SUMF1: variants seen among roughly 807,000 people sequenced by gnomAD.
SUMF1 encodes sulfatase modifying factor 1, also known as formylglycine-generating enzyme.
A neutral mutation model predicts 47.6 loss-of-function variants in SUMF1; 48 were observed. The ratio of observed to expected loss-of-function variants is 1.01; its 90% confidence interval spans 0.80 to 1.28. The LOEUF (loss-of-function observed/expected upper bound fraction) is 1.28, where lower values mean the gene tolerates loss of function less well. Among genes scored for constraint, SUMF1 ranks in the 50% most tolerant of loss-of-function variants. SUMF1 has a pLI of 0.00. For missense variants in SUMF1, 571 were observed against 485.4 expected, an observed-to-expected ratio of 1.18 and a Z score of -1.66; for synonymous variants, 230 against 192.1, an observed-to-expected ratio of 1.20 and a Z score of -1.63.
intron 8 of SUMF1, among the ~76,000 whole-genome samples, chr3:4,254,583 G>C (rs1696899157): frequency 6.8e-6 from 1 of 147,106 alleles, no homozygotes; most frequent in African/African-American, 2.5e-5. Flanking sequence ...AAAAAGAAAT[G>C]AGCAAAGCCT....
intron 8 of SUMF1, among the ~76,000 whole-genome samples, chr3:4,260,169 A>G (rs1697054872): frequency 6.6e-6 from 1 of 152,196 alleles, no homozygotes; most frequent in South Asian, 2.1e-4. Flanking sequence ...GGCTGAAGTC[A>G]TAAAGGGAAT....
chr3:4,313,729 G>T, intron 8 of SUMF1: 2 of 1,614,038 alleles, frequency 1.2e-6, no homozygotes, highest in Non-Finnish European at 1.7e-6. Flanking sequence ...AGCCCCTTCT[G>T]TGTTCCCCTC....
At chr3:4,084,755 T>G (rs1334166174) in intron 8 of SUMF1, among the ~76,000 whole-genome samples, 1 of 152,144 alleles carries the variant, frequency 6.6e-6, no homozygotes, top group Admixed American at 6.6e-5. Context: ...TTTTAAAGAT[T>G]GGTAAATAAT....
At chr3:4,088,075 C>A (rs914883760) in intron 8 of SUMF1, among the ~76,000 whole-genome samples, 1 of 152,030 alleles carries the variant, frequency 6.6e-6, no homozygotes, top group East Asian at 1.9e-4. Context: ...TAGGCTGATA[C>A]GTCAGTGAGA....
At chr3:4,208,151 G>C (rs1334789332) in intron 8 of SUMF1, among the ~76,000 whole-genome samples, 1 of 152,024 alleles carries the variant, frequency 6.6e-6, no homozygotes, top group Admixed American at 6.6e-5. Flanking sequence ...GGTTTTACCA[G>C]AGCCTACTTC....
chr3:4,463,691 C>T (rs2079870005), intron 1 of SUMF1, among the ~76,000 whole-genome samples: 1 of 152,160 alleles, frequency 6.6e-6, no homozygotes, highest in Non-Finnish European at 1.5e-5. Flanking sequence ...AGTCAGAAAC[C>T]TCCTCAGACA....
intron 7 of SUMF1, among the ~76,000 whole-genome samples, chr3:4,407,465 G>A (rs6798606): frequency 0.026 from 4,007 of 152,162 alleles, 154 homozygotes; most frequent in African/African-American, 0.085. Flanking sequence ...GGTTGTAAAC[G>A]TTCCCTGAAA....
intron 9 of SUMF1, among the ~76,000 whole-genome samples, chr3:4,067,514 T>C (rs1313214998): frequency 1.3e-5 from 2 of 152,158 alleles, no homozygotes; most frequent in African/African-American, 4.8e-5. Context: ...TCATACCTTT[T>C]GCAAGAAAAA....
At chr3:4,051,759 C>T (rs1201366906) in intron 9 of SUMF1, among the ~76,000 whole-genome samples, 1 of 152,086 alleles carries the variant, frequency 6.6e-6, no homozygotes, top group South Asian at 2.1e-4. Flanking sequence ...GTCTTCTCTC[C>T]TTTTCATGCC....
chr3:4,358,708 G>C (rs984100258), downstream of SUMF1, among the ~76,000 whole-genome samples: 1 of 152,284 alleles, frequency 6.6e-6, no homozygotes, highest in Non-Finnish European at 1.5e-5. Context: ...AGTGTGTTAA[G>C]CTCTGAAAAA....
At chr3:4,271,843 G>A (rs907410959) in intron 8 of SUMF1, among the ~76,000 whole-genome samples, 1 of 151,990 alleles carries the variant, frequency 6.6e-6, no homozygotes, top group South Asian at 2.1e-4. Context: ...ATCATAGCTT[G>A]TGCTCAGAAG....
intron 8 of SUMF1, among the ~76,000 whole-genome samples, chr3:4,240,528 T>A (rs891159406): frequency 6.6e-6 from 1 of 152,050 alleles, no homozygotes; most frequent in Non-Finnish European, 1.5e-5. Flanking sequence ...GATGATTTTT[T>A]AAAATTACCC....
intron 8 of SUMF1, among the ~76,000 whole-genome samples, chr3:4,171,918 G>C (rs185752231): frequency 2.6e-5 from 4 of 152,120 alleles, no homozygotes; most frequent in Admixed American, 6.5e-5. Context: ...TTCTGTGCCA[G>C]TCAGAGGAAA....
intron 8 of SUMF1, among the ~76,000 whole-genome samples, chr3:4,255,168 T>C (rs28837439): frequency 7.1e-6 from 1 of 140,924 alleles, no homozygotes; most frequent in African/African-American, 2.6e-5. Flanking sequence ...TCATGCCAAA[T>C]TGTAAAGACC....
At chr3:4,076,406 G>A (rs1411323663) in intron 8 of SUMF1, among the ~76,000 whole-genome samples, 1 of 152,020 alleles carries the variant, frequency 6.6e-6, no homozygotes, top group African/African-American at 2.4e-5. Context: ...AGAAAACCTA[G>A]GCAATACCAT....
intron 8 of SUMF1, among the ~76,000 whole-genome samples, chr3:4,343,820 T>TTGGCAAAG (rs1699319637): frequency 6.6e-6 from 1 of 152,172 alleles, no homozygotes; most frequent in African/African-American, 2.4e-5. Flanking sequence ...CTCACAGAAA[T>TTGGCAAAG]ATCTGCACAA....
chr3:4,246,721 CTT>C (rs959451941), intron 8 of SUMF1, among the ~76,000 whole-genome samples: 3 of 152,032 alleles, frequency 2.0e-5, no homozygotes, highest in African/African-American at 7.2e-5. Flanking sequence ...TTCTTGATGT[CTT>C]TTAGTTGAAG....
At chr3:4,044,948 A>AT (rs1427882850) in intron 9 of SUMF1, among the ~76,000 whole-genome samples, 3 of 150,886 alleles carry the variant, frequency 2.0e-5, no homozygotes, top group Non-Finnish European at 4.4e-5. Context: ...TTTTAACATG[A>AT]TAAAAAAAAG....
intron 6 of SUMF1, among the ~76,000 whole-genome samples, chr3:4,414,258 GA>G (rs1701635750): frequency 6.6e-6 from 1 of 152,216 alleles, no homozygotes. Context: ...TTGAGCCCAG[GA>G]GGCTGAGGTT....
Sources: allele counts gnomAD v4.1 joint callset (sites outside exome capture counted in the v4.1 genomes callset), GRCh38; gene constraint gnomAD v4.1.1; transcripts MANE v1.5; gene names NCBI Gene and HGNC (gene_info 2026-07-23, HGNC 2026-07-21).